Variants in NUP93 observed in about 807,000 individuals in gnomAD.
The protein encoded by NUP93 is nucleoporin 93, also known as nuclear pore complex protein Nup93.
In NUP93, 55 loss-of-function variants were observed where a neutral mutation model predicts 107.8. That is an observed-to-expected ratio of 0.51 (90% CI 0.41 to 0.64). The LOEUF is 0.64. Among genes scored for constraint, NUP93 ranks in the 30% least tolerant of loss-of-function variants. NUP93 has a pLI of 0.00. For synonymous variants in NUP93, 390 were observed against 397.5 expected, an observed-to-expected ratio of 0.98 and a Z score of 0.22; for missense variants, 937 against 1,044.7, an observed-to-expected ratio of 0.90 and a Z score of 1.42.
chr16:56,814,478 C>T (rs1350515992), intron 5 of NUP93, among the ~76,000 whole-genome samples: 2 of 152,208 alleles, frequency 1.3e-5, no homozygotes, highest in African/African-American at 4.8e-5. Context: ...GCATGAGCCA[C>T]CACGCCCTGC....
chr16:56,763,574 A>G (rs1380576782), intron 3 of NUP93, among the ~76,000 whole-genome samples: 1 of 151,452 alleles, frequency 6.6e-6, no homozygotes, highest in Non-Finnish European at 1.5e-5. Context: ...TTTCTTTTAT[A>G]ACATATCTTT....
At chr16:56,738,280 G>T (rs1961644641) in intron 1 of NUP93, among the ~76,000 whole-genome samples, 1 of 152,234 alleles carries the variant, frequency 6.6e-6, no homozygotes, top group Non-Finnish European at 1.5e-5. Flanking sequence ...TGGGCCTTCT[G>T]CTGGACAGCC....
chr16:56,747,247 G>T (rs1007971729), intron 1 of NUP93, among the ~76,000 whole-genome samples: 2 of 152,280 alleles, frequency 1.3e-5, no homozygotes, highest in African/African-American at 4.8e-5. Context: ...CGATCTGCCC[G>T]CCTCGGCCTC....
intron 3 of NUP93, among the ~76,000 whole-genome samples, chr16:56,773,114 G>T (rs1260958065): frequency 6.6e-6 from 1 of 152,212 alleles, no homozygotes; most frequent in Non-Finnish European, 1.5e-5. Flanking sequence ...TACTTAGTAA[G>T]TCAAGGTTTG....
chr16:56,839,145 C>A, intron 19 of NUP93, 76 bp downstream of exon 19: 1 of 850,938 alleles, frequency 1.2e-6, no homozygotes, highest in Non-Finnish European at 1.8e-6. Context: ...ATGGAATTTA[C>A]TTAAAACAAA....
chr16:56,748,262 G>T lies in NUP93; in HGVS notation c.15G>T (p.Gly5=). 6.2e-7 allele frequency: 1 copy of T among 1,612,064 alleles called. No individual in the cohort carries two copies. Among genetic ancestry groups the T allele is most frequent in the African/African-American group, 1.3e-5 (1 of 74,938 alleles). Residue 5 remains glycine (G), a synonymous_variant, in exon 2 of 22, where the codon GGG becomes GGT. Coordinates refer to ENST00000308159, the MANE Select transcript of NUP93 (RefSeq NM_014669.5). ...CTGCATCTCCAATGGATACTGAGGG[G>T]TTTGGTGAGCTCCTTCAGCAAGCTG... MDTE[G]FGELLQQAEQ...
At chr16:56,786,788 C>T (rs1305168124) in intron 3 of NUP93, among the ~76,000 whole-genome samples, 2 of 152,182 alleles carry the variant, frequency 1.3e-5, no homozygotes, top group African/African-American at 2.4e-5. Context: ...TAGTGGGTCA[C>T]GACCTTTTTA....
At chr16:56,787,358 C>T (rs1349775879) in intron 3 of NUP93, among the ~76,000 whole-genome samples, 1 of 152,202 alleles carries the variant, frequency 6.6e-6, no homozygotes, top group Non-Finnish European at 1.5e-5. Context: ...ATGACTGACA[C>T]CGTATACCAG....
At chr16:56,736,667 G>A (rs1047399924) in intron 1 of NUP93, among the ~76,000 whole-genome samples, 1 of 152,146 alleles carries the variant, frequency 6.6e-6, no homozygotes, top group Non-Finnish European at 1.5e-5. Flanking sequence ...AGACATGGTG[G>A]GTGTGACAGT....
At chr16:56,759,871 ATTGT>A (rs1477954707) in intron 3 of NUP93, among the ~76,000 whole-genome samples, 6 of 152,122 alleles carry the variant, frequency 3.9e-5, no homozygotes, top group African/African-American at 9.7e-5. Context: ...TACCAGAGAA[ATTGT>A]TTGTTTGAAA....
At chr16:56,833,521 T>C in intron 13 of NUP93, 115 bp downstream of exon 13, 3 of 809,596 alleles carry the variant, frequency 3.7e-6, no homozygotes, top group Non-Finnish European at 3.6e-6. Flanking sequence ...CCAGTCATTT[T>C]AGAGCATGTG....
At chr16:56,771,087 A>C (rs1002545932) in intron 3 of NUP93, among the ~76,000 whole-genome samples, 1 of 152,134 alleles carries the variant, frequency 6.6e-6, no homozygotes, top group Non-Finnish European at 1.5e-5. Context: ...CCCTCAAACT[A>C]TTTGGAAGGC....
At chr16:56,837,826 G>A (rs1963944928) in intron 18 of NUP93, 100 bp downstream of exon 18, 1 of 809,996 alleles carries the variant, frequency 1.2e-6, no homozygotes, top group Non-Finnish European at 2.0e-6. Context: ...CTAGGTAACA[G>A]CAGACAGCTT....
chr16:56,829,122 T>G lies in NUP93; in HGVS notation c.927+13T>G, dbSNP rs1485409364. The G allele has an allele frequency of 6.2e-7, 1 of 1,608,740 alleles. No individual in the cohort carries two copies. The highest frequency in any genetic ancestry group is 1.3e-5 in the African/African-American group (1 of 74,562). On this transcript the variant is annotated intron_variant, in intron 9 of 21. Coordinates refer to ENST00000308159, the MANE Select transcript of NUP93 (RefSeq NM_014669.5). ...GCCTGGACTACAGGTACTGACAACT[T>G]TCTCTGTGTGATCAGTTACACCCCC...
intron 5 of NUP93, among the ~76,000 whole-genome samples, chr16:56,811,501 A>G (rs1315527935): frequency 6.6e-6 from 1 of 151,480 alleles, no homozygotes; most frequent in Non-Finnish European, 1.5e-5. Flanking sequence ...TCATTATGAA[A>G]TATCATTTTG....
At chr16:56,794,432 C>G (rs1443636040) in intron 3 of NUP93, among the ~76,000 whole-genome samples, 1 of 151,962 alleles carries the variant, frequency 6.6e-6, no homozygotes, top group Non-Finnish European at 1.5e-5. Context: ...TAATCTATCC[C>G]AAAACAATAA....
chr16:56,815,781 A>G (rs1219106766), intron 5 of NUP93, among the ~76,000 whole-genome samples: 2 of 151,986 alleles, frequency 1.3e-5, no homozygotes, highest in Admixed American at 1.3e-4. Context: ...TTTACAGCTA[A>G]GGAAACTGAG....
At chr16:56,832,096 G>A in intron 11 of NUP93, 89 bp downstream of exon 11, 1 of 1,479,810 alleles carries the variant, frequency 6.8e-7, no homozygotes, top group Non-Finnish European at 9.3e-7. Context: ...AATGTATGAT[G>A]CCAATACAGT....
chr16:56,836,557 C>T (rs748815830), intron 16 of NUP93, 44 bp from the exon 17 acceptor site: 15 of 1,143,634 alleles, frequency 1.3e-5, no homozygotes, highest in Non-Finnish European at 2.0e-5. Flanking sequence ...TAGCTCTGTG[C>T]ACCCGTCTCT....
Sources: gnomAD v4.1 joint callset for allele counts (sites outside exome capture counted in the v4.1 genomes callset) on GRCh38, gnomAD v4.1.1 for gene constraint, MANE v1.5 for transcripts, NCBI Gene and HGNC (gene_info 2026-07-23, HGNC 2026-07-21) for gene names.